Variants in PRSS23 observed in about 807,000 individuals in gnomAD.
The protein encoded by PRSS23 is serine protease 23.
Under a neutral mutation model 34.7 loss-of-function variants are expected in PRSS23, and 25 were observed. That is an observed-to-expected ratio of 0.72 (90% CI 0.53 to 1.01). The LOEUF (loss-of-function observed/expected upper bound fraction) is 1.01. Among genes scored for constraint, PRSS23 ranks in the 50% least tolerant of loss-of-function variants. The pLI is 0.00. For synonymous variants in PRSS23, 176 were observed against 186.6 expected, an observed-to-expected ratio of 0.94 and a Z score of 0.46; for missense variants, 445 against 475.6, an observed-to-expected ratio of 0.94 and a Z score of 0.60.
chr11:86,841,359 G>GAAAAA (rs58774276), intron 2 of PRSS23, among the ~76,000 whole-genome samples: 1 of 123,834 alleles, frequency 8.1e-6, no homozygotes, highest in Non-Finnish European at 1.7e-5. Context: ...AAAAGAAGAA[G>GAAAAA]AAAAAAAAAA....
chr11:86,840,652 TA>T (rs1948440533), intron 2 of PRSS23, among the ~76,000 whole-genome samples: 1 of 152,188 alleles, frequency 6.6e-6, no homozygotes, highest in South Asian at 2.1e-4. Context: ...ATCAACAGAA[TA>T]TACATTCTTG....
intron 2 of PRSS23, among the ~76,000 whole-genome samples, chr11:86,916,075 A>C (rs1031120256): frequency 6.6e-6 from 1 of 152,266 alleles, no homozygotes; most frequent in East Asian, 1.9e-4. Flanking sequence ...AAAACAAAAC[A>C]AAGTGCATAA....
At chr11:86,846,811 AG>A (rs1474766902) in intron 2 of PRSS23, among the ~76,000 whole-genome samples, 1 of 152,210 alleles carries the variant, frequency 6.6e-6, no homozygotes, top group African/African-American at 2.4e-5. Context: ...GGGTTCAGGC[AG>A]GTGTCACCAT....
intron 1 of PRSS23, among the ~76,000 whole-genome samples, chr11:86,817,378 A>G (rs1948221725): frequency 2.0e-5 from 3 of 152,236 alleles, no homozygotes; most frequent in African/African-American, 7.2e-5. Flanking sequence ...CTATGGTTGA[A>G]AAGACAAAAA....
chr11:86,821,531 T>G lies in PRSS23; in HGVS notation c.-11-1846T>G, dbSNP rs2134874060. On this transcript the variant is annotated intron_variant, in intron 1 of 2. Coordinates refer to the PRSS23 transcript ENST00000533902. ...AATCCATTGTTCAGTTGCTGTCATT[T>G]GAGTGCAAGTATCTGGATGGCATTC... 6 of 1,611,178 alleles carry G rather than the reference T, an allele frequency of 3.7e-6. No homozygotes were observed. The Admixed American group carries it at 5.0e-5, about 13-fold the overall frequency.
intron 2 of PRSS23, chr11:86,933,077 A>C (rs1037029321): frequency 2.0e-5 from 3 of 152,274 alleles, no homozygotes; most frequent in Admixed American, 1.3e-4. Context: ...CAATACAAAA[A>C]CAGGCAGGGG....
At chr11:86,939,635 A>G (rs1283179772) in intron 2 of PRSS23, among the ~76,000 whole-genome samples, 1 of 151,408 alleles carries the variant, frequency 6.6e-6, no homozygotes, top group Non-Finnish European at 1.5e-5. Context: ...CTCTGGGATT[A>G]TTTGCATTTA....
chr11:86,926,418 GACTT>G (rs1184779252), intron 2 of PRSS23, among the ~76,000 whole-genome samples: 1 of 152,112 alleles, frequency 6.6e-6, no homozygotes, highest in Non-Finnish European at 1.5e-5. Flanking sequence ...AAAAAAGTGT[GACTT>G]AGAGTCCTAA....
At chr11:86,825,812 A>G (rs201944742) in intron 2 of PRSS23, among the ~76,000 whole-genome samples, 28,567 of 149,472 alleles carry the variant, frequency 0.19, 3,000 homozygotes, top group East Asian at 0.46. Flanking sequence ...GTTATTTCTG[A>G]GGGCTCTGTT....
At chr11:86,913,653 C>T (rs1948992822) in intron 2 of PRSS23, among the ~76,000 whole-genome samples, 2 of 151,714 alleles carry the variant, frequency 1.3e-5, no homozygotes. Context: ...TTTGTATTTG[C>T]AAGCTCCAGA....
chr11:86,873,362 A>G (rs7944355), intron 2 of PRSS23, among the ~76,000 whole-genome samples: 102,115 of 150,638 alleles, frequency 0.68, 35,813 homozygotes, highest in African/African-American at 0.86. Flanking sequence ...GTGCAATCTC[A>G]GCTCAATACA....
rs539347706 is a variant in PRSS23, at chr11:86,849,420, C to T, written c.206+25827C>T. 3.3e-5 allele frequency among the ~76,000 whole-genome samples: 5 copies of T among 152,184 alleles called. 1 individual carries two copies. The highest frequency in any genetic ancestry group is 6.8e-3 in the Middle Eastern group (2 of 294). The stretch of plus-strand genomic sequence containing the variant: ...GGGAACAAATTACCCATTTGTTGTC[C>T]CCTACTTGAAGAAGGAATCAACTCT... On this transcript the variant is annotated intron_variant, in intron 2 of 2. Transcript: ENST00000533902.
downstream of PRSS23, among the ~76,000 whole-genome samples, chr11:86,813,022 A>G (rs1006365214): frequency 2.1e-4 from 32 of 152,098 alleles, no homozygotes; most frequent in Admixed American, 1.5e-3. Flanking sequence ...CAGTGGGCTC[A>G]TTTGAAGCTG....
rs1041796750 is a variant in PRSS23, at chr11:86,825,387, G to C, written c.206+1794G>C. Among the ~76,000 whole-genome samples the C allele has an allele frequency of 1.2e-3, 187 of 152,274 alleles. 1 individual carries two copies. Among genetic ancestry groups the C allele is most frequent in the African/African-American group, 4.3e-3 (177 of 41,548 alleles). ...TGTAGATTCCGGATATTAGCCCTTT[G>C]TCAGATGAGTAGGTTGTGAAAATTT... On this transcript the variant is annotated intron_variant, in intron 2 of 2. Transcript: ENST00000533902.
At chr11:86,817,410 C>G (rs1292085676) in intron 1 of PRSS23, among the ~76,000 whole-genome samples, 1 of 152,208 alleles carries the variant, frequency 6.6e-6, no homozygotes, top group Non-Finnish European at 1.5e-5. Flanking sequence ...AATTCTGTGA[C>G]TGCAGATAGA....
At chr11:86,931,375 T>G (rs892140564) in intron 2 of PRSS23, among the ~76,000 whole-genome samples, 5 of 151,988 alleles carry the variant, frequency 3.3e-5, no homozygotes, top group Admixed American at 1.3e-4. Context: ...ATAAGCAAAT[T>G]GTGGTGTATT....
intron 2 of PRSS23, among the ~76,000 whole-genome samples, chr11:86,932,128 A>C (rs996425823): frequency 3.3e-5 from 5 of 152,158 alleles, no homozygotes; most frequent in Non-Finnish European, 7.4e-5. Context: ...GGGGGTGATT[A>C]ATCATGATCA....
intron 2 of PRSS23, among the ~76,000 whole-genome samples, chr11:86,838,976 C>T (rs1030805282): frequency 6.6e-6 from 1 of 151,984 alleles, no homozygotes; most frequent in Non-Finnish European, 1.5e-5. Flanking sequence ...AAAACCCCAT[C>T]TGTATGTCAC....
intron 1 of PRSS23, among the ~76,000 whole-genome samples, chr11:86,817,269 C>A (rs573780130): frequency 6.6e-6 from 1 of 151,996 alleles, no homozygotes; most frequent in Non-Finnish European, 1.5e-5. Flanking sequence ...ATATGGTGTT[C>A]CTTTTAGATA....
Sources: allele counts gnomAD v4.1 joint callset (sites outside exome capture counted in the v4.1 genomes callset), GRCh38; gene constraint gnomAD v4.1.1; transcripts MANE v1.5; gene names NCBI Gene and HGNC (gene_info 2026-07-23, HGNC 2026-07-21).